Variants in FUT8 observed in about 807,000 individuals in gnomAD.
The protein encoded by FUT8 is fucosyltransferase 8, also known as alpha-(1,6)-fucosyltransferase.
In FUT8, 29 loss-of-function variants were observed where a neutral mutation model predicts 71.3. The observed-to-expected ratio is 0.41, with a 90% CI of 0.30 to 0.55. FUT8 has a LOEUF of 0.55. FUT8 is among the 20% of genes least tolerant of loss of function. The probability of loss-of-function intolerance (pLI) is 0.34; values close to 1 mark genes in which losing one functional copy is unlikely to be tolerated. For missense variants in FUT8, 544 were observed against 702.1 expected (o/e 0.77, Z 2.55); for synonymous variants, 254 against 239.3 (o/e 1.06, Z -0.57).
At chr14:65,540,069 C>T (rs527861075) in intron 2 of FUT8, among the ~76,000 whole-genome samples, 3 of 152,254 alleles carry the variant, frequency 2.0e-5, no homozygotes, top group Non-Finnish European at 2.9e-5. Flanking sequence ...TGGCCACACT[C>T]GACAGATGGC....
chr14:65,466,710 A>G (rs2066049148), intron 2 of FUT8, among the ~76,000 whole-genome samples: 1 of 152,108 alleles, frequency 6.6e-6, no homozygotes, highest in Non-Finnish European at 1.5e-5. Context: ...AGATCGCACT[A>G]CTGCACCCTA....
intron 10 of FUT8, 48 bp downstream of exon 10, chr14:65,733,429 A>G (rs375627419): frequency 2.2e-6 from 3 of 1,385,614 alleles, no homozygotes; most frequent in South Asian, 1.6e-5. Flanking sequence ...TTTTGGTTGT[A>G]TAGGAGTCAG....
At chr14:65,692,675 T>C (rs1357050487) in intron 7 of FUT8, among the ~76,000 whole-genome samples, 2 of 142,426 alleles carry the variant, frequency 1.4e-5, no homozygotes, top group Non-Finnish European at 3.1e-5. Context: ...CCAGATGGGG[T>C]GGCTGCCAGG....
At chr14:65,430,990 A>ATTTTTT (rs5809273) in intron 1 of FUT8, among the ~76,000 whole-genome samples, 3 of 127,022 alleles carry the variant, frequency 2.4e-5, no homozygotes, top group African/African-American at 3.0e-5. Context: ...TTTTCTACTA[A>ATTTTTT]TTTTTTTTTT....
intron 3 of FUT8, among the ~76,000 whole-genome samples, chr14:65,611,749 C>T (rs1444197513): frequency 1.3e-5 from 2 of 152,136 alleles, no homozygotes; most frequent in Non-Finnish European, 2.9e-5. Flanking sequence ...CAACCTCTGC[C>T]TCTTGGGTTC....
In FUT8 at chr14:65,721,957, C is replaced by G. The variant is rs374400133; in HGVS notation, c.1018C>G (p.Pro340Ala). 47 of 1,613,984 alleles carry G rather than the reference C, an allele frequency of 2.9e-5. 1 individual carries two copies. Among genetic ancestry groups the G allele is most frequent in the Admixed American group, 5.0e-5 (3 of 59,994 alleles). The change falls in exon 8 of 11, where the codon CCT becomes GCT. Residue 340 changes from proline (P) to alanine (A), a missense_variant. By Grantham distance (27) the Pro-to-Ala change is conservative (BLOSUM62 -1). Transcript: ENST00000673929. ...QFVKYLIRPQ[P>A]WLEKEIEEAT... ...TGTCAAATACTTGATCCGCCCACAG[C>G]CTTGGCTAGAAAAAGAAATAGAAGA... is the stretch of plus-strand genomic sequence containing the variant.
chr14:65,417,644 C>CT (rs1201515417), intron 1 of FUT8, among the ~76,000 whole-genome samples: 33 of 151,860 alleles, frequency 2.2e-4, no homozygotes, highest in Admixed American at 1.8e-3. Context: ...TTGTGGTAGT[C>CT]TTTTTTTTGG....
chr14:65,721,148 G>A (rs928251395), intron 7 of FUT8, among the ~76,000 whole-genome samples: 5 of 151,820 alleles, frequency 3.3e-5, no homozygotes, highest in African/African-American at 9.7e-5. Context: ...GTGCTTTTTT[G>A]TGTAGATAGT....
At chr14:65,647,722 T>C (rs1891181982) in intron 6 of FUT8, among the ~76,000 whole-genome samples, 1 of 152,216 alleles carries the variant, frequency 6.6e-6, no homozygotes, top group East Asian at 1.9e-4. Context: ...ATTCAAAATA[T>C]ATTTATGATC....
chr14:65,591,888 A>G (rs962074869), intron 3 of FUT8, among the ~76,000 whole-genome samples: 2 of 147,030 alleles, frequency 1.4e-5, no homozygotes, highest in Non-Finnish European at 3.0e-5. Flanking sequence ...GTAACAGCAT[A>G]CTTTACTTAT....
At chr14:65,716,158 C>T (rs556322811) in intron 7 of FUT8, among the ~76,000 whole-genome samples, 1 of 152,118 alleles carries the variant, frequency 6.6e-6, no homozygotes, top group Admixed American at 6.6e-5. Context: ...GTTTCTGATG[C>T]AGATTAAGTC....
At chr14:65,386,625 T>G in the FUT8 span, among the ~76,000 whole-genome samples, 1 of 152,044 alleles carries the variant, frequency 6.6e-6, no homozygotes, top group East Asian at 1.9e-4. Context: ...AACATAGTTA[T>G]GATTGCTGTT....
chr14:65,615,696 T>G (rs1021257312), intron 3 of FUT8, among the ~76,000 whole-genome samples: 1 of 152,202 alleles, frequency 6.6e-6, no homozygotes, highest in South Asian at 2.1e-4. Context: ...ACTCTGGGGA[T>G]GAAAGATTTT....
the FUT8 span, among the ~76,000 whole-genome samples, chr14:65,382,097 G>A: frequency 6.6e-6 from 1 of 152,236 alleles, no homozygotes; most frequent in East Asian, 1.9e-4. Flanking sequence ...GGCATGTGAT[G>A]TGCTTGTCCA....
At chr14:65,686,681 T>C (rs1487735688) in intron 7 of FUT8, among the ~76,000 whole-genome samples, 2 of 152,242 alleles carry the variant, frequency 1.3e-5, no homozygotes, top group East Asian at 3.8e-4. Flanking sequence ...TTGATTTAAG[T>C]CTTAAAAGTT....
At chr14:65,430,123 T>C (rs2065450077) in intron 1 of FUT8, 1 of 151,742 alleles carries the variant, frequency 6.6e-6, no homozygotes, top group Admixed American at 6.6e-5. Flanking sequence ...GGGCAGAATC[T>C]ATCCTCCCAG....
chr14:65,493,364 T>C (rs1292443912), intron 2 of FUT8, among the ~76,000 whole-genome samples: 1 of 152,084 alleles, frequency 6.6e-6, no homozygotes, highest in Admixed American at 6.6e-5. Context: ...ACCTTCTCCC[T>C]CTGTTATTCT....
Position 65,582,082 on chromosome 14 carries a change from A to G in FUT8, c.203+20316A>G, listed in dbSNP as rs560509867. Reference sequence around the variant, plus strand: ...ATAGAAAATAGAGCAGTGTACTTGAATATACTCTGCAGCATAGAGACATAG... The same window carrying G: ...ATAGAAAATAGAGCAGTGTACTTGAGTATACTCTGCAGCATAGAGACATAG... On this transcript the variant is annotated intron_variant, in intron 3 of 10. Coordinates refer to ENST00000673929, the MANE Select transcript of FUT8 (RefSeq NM_001371533.1). Among the ~76,000 whole-genome samples, 16 of 152,250 alleles carry G rather than the reference A, an allele frequency of 1.1e-4. No individual in the cohort carries two copies. The East Asian group carries it at 3.1e-3, about 29-fold the overall frequency.
At chr14:65,555,034 C>T (rs1885514718) in intron 2 of FUT8, among the ~76,000 whole-genome samples, 1 of 152,018 alleles carries the variant, frequency 6.6e-6, no homozygotes, top group South Asian at 2.1e-4. Flanking sequence ...AGTCAGTAGA[C>T]TTTGGTTTAT....
Sources: allele counts gnomAD v4.1 joint callset (sites outside exome capture counted in the v4.1 genomes callset), GRCh38; gene constraint gnomAD v4.1.1; transcripts MANE v1.5; gene names NCBI Gene and HGNC (gene_info 2026-07-23, HGNC 2026-07-21).